Variants in STON2 observed in about 807,000 individuals in gnomAD.
The protein encoded by STON2 is stonin-2.
A neutral mutation model predicts 65.7 loss-of-function variants in STON2; 29 were observed. The ratio of observed to expected loss-of-function variants is 0.44; its 90% CI spans 0.33 to 0.60. The LOEUF is 0.60. Among genes scored for constraint, STON2 ranks in the 20% least tolerant of loss-of-function variants. The pLI, the probability that STON2 is intolerant of heterozygous loss-of-function variation, is 0.03. For synonymous variants in STON2, 404 were observed against 414.2 expected (o/e 0.98, Z 0.30); for missense variants, 1,054 against 1,118.1 (o/e 0.94, Z 0.82).
At chr14:81,420,462 T>G (rs1901651333) in intron 2 of STON2, among the ~76,000 whole-genome samples, 1 of 152,170 alleles carries the variant, frequency 6.6e-6, no homozygotes, top group Non-Finnish European at 1.5e-5. Context: ...CATCTCCTAT[T>G]GCTAGGGATG....
chr14:81,268,935 A>G (rs1279111211), intron 7 of STON2, among the ~76,000 whole-genome samples: 1 of 152,226 alleles, frequency 6.6e-6, no homozygotes, highest in African/African-American at 2.4e-5. Flanking sequence ...ACAGTGGGCA[A>G]TCGACAAAGA....
intron 7 of STON2, 171 bp downstream of exon 7, chr14:81,270,499 G>A: frequency 6.6e-7 from 1 of 1,509,846 alleles, no homozygotes; most frequent in South Asian, 1.4e-5. Context: ...GCCAGATTAT[G>A]CATTTAAATC....
Position 81,379,031 on chromosome 14 carries a change from T to C in STON2, c.374-7846A>G, listed in dbSNP as rs1011602617. Among the ~76,000 whole-genome samples, 5 of 152,166 alleles carry C rather than the reference T, an allele frequency of 3.3e-5. No homozygotes were observed. The East Asian group carries it at 9.6e-4, about 29-fold the overall frequency. On this transcript the variant is annotated intron_variant, in intron 3 of 7. Coordinates refer to ENST00000614646, the MANE Select transcript of STON2 (RefSeq NM_001394390.1). ...CTTCTGTTCAACATCATATTTATGATCAGAGCCTGCACAGTAAGGCAGGAA... is the reference window on the plus strand; with the variant it reads ...CTTCTGTTCAACATCATATTTATGACCAGAGCCTGCACAGTAAGGCAGGAA...
intron 1 of STON2, among the ~76,000 whole-genome samples, chr14:81,432,237 C>A (rs1902254392): frequency 6.6e-6 from 1 of 152,126 alleles, no homozygotes; most frequent in South Asian, 2.1e-4. Context: ...ACATTAGACA[C>A]CCCAACATAT....
chr14:81,354,440 G>A (rs533025993), intron 4 of STON2, among the ~76,000 whole-genome samples: 4 of 152,218 alleles, frequency 2.6e-5, no homozygotes, highest in South Asian at 2.1e-4. Context: ...CGCAGATATC[G>A]ATGCAAGAAC....
chr14:81,287,847 T>C (rs1010300018), intron 5 of STON2, among the ~76,000 whole-genome samples: 74 of 152,154 alleles, frequency 4.9e-4, no homozygotes, highest in African/African-American at 1.8e-3. Flanking sequence ...TGAACTGGCT[T>C]ATTGGTTCCC....
At chr14:81,427,962 T>C (rs1361552493) in intron 1 of STON2, among the ~76,000 whole-genome samples, 1 of 152,140 alleles carries the variant, frequency 6.6e-6, no homozygotes. Context: ...CCAGCTCCAT[T>C]ACAACCTTTG....
At position 81,278,435 on chromosome 14, in the gene STON2, C is replaced by A. The variant is rs1261459557; in HGVS notation, c.1047G>T (p.Leu349=). 2 of 1,614,206 alleles carry A rather than the reference C, an allele frequency of 1.2e-6. No individual in the cohort carries two copies. Among genetic ancestry groups the A allele is most frequent in the Non-Finnish European group, 1.7e-6 (2 of 1,180,036 alleles). ...TLMNFSKVQK[L]DISSLNRTPS... ...GCGTGCGGTTTAAAGAGGAAATATC[C>A]AGCTTCTGAACTTTGGAGAAGTTCA... The change falls in exon 6 of 8, where the codon CTG becomes CTT. Residue 349 remains leucine (L), a synonymous_variant. Coordinates refer to ENST00000614646, the MANE Select transcript of STON2 (RefSeq NM_001394390.1).
In STON2 at chr14:81,417,621, C is replaced by A. The variant is rs191600478; in HGVS notation, c.-199+9481G>T. ...TTAATTGGAGACAGGATAGGAAATA[C>A]GTTTTTGGGATATGTTGAGATGCAA... is the stretch of plus-strand genomic sequence containing the variant. On this transcript the variant is annotated intron_variant, in intron 2 of 8. Coordinates refer to the STON2 transcript ENST00000553821. 4.6e-3 allele frequency among the ~76,000 whole-genome samples: 704 copies of A among 152,238 alleles called. 2 individuals are homozygous for A. Among genetic ancestry groups the A allele is most frequent in the Middle Eastern group, 6.8e-3 (2 of 294 alleles).
intron 5 of STON2, among the ~76,000 whole-genome samples, chr14:81,321,399 A>C (rs1896816884): frequency 6.6e-6 from 1 of 151,866 alleles, no homozygotes; most frequent in Non-Finnish European, 1.5e-5. Flanking sequence ...AGAATTCCAG[A>C]AACCAGAAAA....
chr14:81,266,215 T>A lies in STON2; in HGVS notation c.*2199A>T, dbSNP rs1319592528. On this transcript the variant is annotated 3_prime_UTR_variant, in exon 8 of 8. Coordinates refer to ENST00000614646, the MANE Select transcript of STON2 (RefSeq NM_001394390.1). ...TTTCACAGCACGTGGGATAGGTGGT[T>A]ATTTTAACTGTTGGGCATTCACAGG... 1.9e-6 allele frequency: 1 copy of A among 522,238 alleles called. No individual in the cohort carries two copies. The highest frequency in any genetic ancestry group is 2.5e-6 in the Non-Finnish European group (1 of 407,200). 32.4% of individuals were successfully genotyped at this position (522,238 alleles called of 1,614,324 possible). A position where few individuals can be genotyped will look rare whatever the true frequency, so the allele number is the denominator to read the frequency against.
At chr14:81,312,502 C>G (rs1192322847) in intron 5 of STON2, among the ~76,000 whole-genome samples, 2 of 152,198 alleles carry the variant, frequency 1.3e-5, no homozygotes, top group Non-Finnish European at 2.9e-5. Flanking sequence ...TGAACTACTT[C>G]CTCTATAAAT....
At chr14:81,338,738 A>C (rs931908715) in intron 4 of STON2, among the ~76,000 whole-genome samples, 27 of 152,318 alleles carry the variant, frequency 1.8e-4, no homozygotes, top group African/African-American at 6.3e-4. Flanking sequence ...AGAACATTTC[A>C]TTGGTGTCTG....
Position 81,261,744 on chromosome 14 carries a change from A to C in STON2, c.*6670T>G. On this transcript the variant is annotated 3_prime_UTR_variant, in exon 8 of 8. Transcript: ENST00000614646. ...CTGTGTCAGGTAGCACCCAAATCCT[A>C]ACATCTATTTTGGAGACCTGTCTGT... The C allele has an allele frequency of 6.8e-7, 1 of 1,464,506 alleles. No individual in the cohort carries two copies. The highest frequency in any genetic ancestry group is 9.0e-7 in the Non-Finnish European group (1 of 1,114,908). The allele number at this position is 1,464,506 out of a possible 1,614,324, so 90.7% of individuals were successfully genotyped here.
chr14:81,271,836 A>G lies in STON2; in HGVS notation c.2582-964T>C, dbSNP rs146968704. On this transcript the variant is annotated intron_variant, in intron 6 of 7. Transcript: ENST00000614646. ...TTCTTCTATGTTAAATCTTTTATACAGATTCTCTCTTTGAGTCTTCAGTAT... is the reference window on the plus strand; with the variant it reads ...TTCTTCTATGTTAAATCTTTTATACGGATTCTCTCTTTGAGTCTTCAGTAT... 4.6e-5 allele frequency among the ~76,000 whole-genome samples: 7 copies of G among 152,356 alleles called. 1 individual carries two copies. The East Asian group carries it at 1.3e-3, about 29-fold the overall frequency.
intron 5 of STON2, among the ~76,000 whole-genome samples, chr14:81,293,178 T>C (rs1396945769): frequency 7.2e-6 from 1 of 138,504 alleles, no homozygotes; most frequent in Non-Finnish European, 1.5e-5. Context: ...ACTTGTGTCT[T>C]TTTTTTTTTT....
At position 81,413,576 on chromosome 14, in the gene STON2, A is replaced by T. The variant is rs1039828707; in HGVS notation, c.-199+13526T>A. 2.2e-5 allele frequency among the ~76,000 whole-genome samples: 3 copies of T among 139,358 alleles called. 1 individual carries two copies. Among genetic ancestry groups the T allele is most frequent in the Non-Finnish European group, 4.5e-5 (3 of 66,882 alleles). The allele number at this position is 139,358 out of a possible 152,430, so 91.4% of individuals were successfully genotyped here. ...TTTGGGAGGCTGAGGCAGGCAGATC[A>T]AGTGGTCAGGTGTTCGAGACCAGCC... On this transcript the variant is annotated intron_variant, in intron 2 of 8. Coordinates refer to the STON2 transcript ENST00000553821.
chr14:81,330,708 G>A (rs1897180831), intron 4 of STON2, among the ~76,000 whole-genome samples: 1 of 152,100 alleles, frequency 6.6e-6, no homozygotes, highest in Non-Finnish European at 1.5e-5. Context: ...TTAATTGGTG[G>A]CTAATTATTG....
At chr14:81,329,411 T>C (rs1264659115) in intron 4 of STON2, among the ~76,000 whole-genome samples, 1 of 147,116 alleles carries the variant, frequency 6.8e-6, no homozygotes, top group Non-Finnish European at 1.5e-5. Flanking sequence ...GCCGAGATCG[T>C]GCCACTGCAT....
Sources: allele counts gnomAD v4.1 joint callset (sites outside exome capture counted in the v4.1 genomes callset), GRCh38; gene constraint gnomAD v4.1.1; transcripts MANE v1.5; gene names NCBI Gene and HGNC (gene_info 2026-07-23, HGNC 2026-07-21).